SMC1B: variants seen among roughly 807,000 people sequenced by gnomAD.
SMC1B encodes the protein structural maintenance of chromosomes protein 1B.
SMC1B carries 60 observed loss-of-function variants against 157.9 expected under a neutral mutation model. The observed-to-expected ratio is 0.38, with a 90% confidence interval of 0.31 to 0.47. The LOEUF is 0.47. Ranked by LOEUF, SMC1B falls within the 20% of genes least tolerant of loss-of-function variation. The pLI is 0.99. For synonymous variants in SMC1B, 445 were observed against 483.0 expected, an observed-to-expected ratio of 0.92 and a Z score of 1.03; for missense variants, 1,165 against 1,426.2, an observed-to-expected ratio of 0.82 and a Z score of 2.95.
At chr22:45,381,585 C>T (rs184847760) in intron 12 of SMC1B, among the ~76,000 whole-genome samples, 9 of 152,286 alleles carry the variant, frequency 5.9e-5, no homozygotes, top group African/African-American at 1.4e-4. Context: ...TCAAAAGAGA[C>T]GAAGCCCTAT....
At position 45,344,324 on chromosome 22, in the gene SMC1B, G is replaced by GTT. The variant is rs2086528225; in HGVS notation, c.*230_*231dup. ...TAGTACAAAATTGTACCTTTTGTTTGTTTTTTAAAAACTCATTTGACACCA... is the reference window on the plus strand; with the variant it reads ...TAGTACAAAATTGTACCTTTTGTTTGTTTTTTTTAAAAACTCATTTGACACCA... On this transcript the variant is annotated 3_prime_UTR_variant, in exon 25 of 25. Coordinates refer to ENST00000357450, the MANE Select transcript of SMC1B (RefSeq NM_148674.5). 3.2e-6 allele frequency: 1 copy of GTT among 315,000 alleles called. No individual in the cohort carries two copies. The highest frequency in any genetic ancestry group is 2.1e-5 in the African/African-American group (1 of 46,618). The allele number at this position is 315,000 out of a possible 1,614,324, so 19.5% of individuals were successfully genotyped here. A position where few individuals can be genotyped will look rare whatever the true frequency, so the allele number is the denominator to read the frequency against.
intron 8 of SMC1B, 32 bp from the exon 9 acceptor site, chr22:45,393,873 T>C (rs2087091033): frequency 1.3e-6 from 2 of 1,521,116 alleles, no homozygotes; most frequent in Non-Finnish European, 9.0e-7. Flanking sequence ...TACAGCAAAA[T>C]GATAAACCAA....
intron 12 of SMC1B, among the ~76,000 whole-genome samples, chr22:45,373,165 T>TAA (rs2086851760): frequency 6.6e-6 from 1 of 152,228 alleles, no homozygotes; most frequent in Admixed American, 6.5e-5. Context: ...TATTGATTGA[T>TAA]GTCTTAAGTC....
intron 23 of SMC1B, among the ~76,000 whole-genome samples, chr22:45,348,611 A>T (rs992304240): frequency 6.6e-6 from 1 of 151,632 alleles, no homozygotes; most frequent in African/African-American, 2.4e-5. Context: ...TCCTCATTTG[A>T]CCCCCATGTT....
At position 45,369,546 on chromosome 22, in the gene SMC1B, T is replaced by G. The variant is rs957500870; in HGVS notation, c.2420+408A>C. Among the ~76,000 whole-genome samples the G allele has an allele frequency of 2.7e-5, 4 of 147,382 alleles. No homozygotes were observed. In the South Asian group the frequency reaches 8.8e-4, roughly 32 times the overall value. On this transcript the variant is annotated intron_variant, in intron 15 of 24. Coordinates refer to ENST00000357450, the MANE Select transcript of SMC1B (RefSeq NM_148674.5). ...ATAAATTTTTACTAGCTGTTTCTTT[T>G]TTTTTTTTTTTTTTGAGATGGAGTC...
chr22:45,410,532 G>A (rs1301717220), intron 1 of SMC1B, among the ~76,000 whole-genome samples: 2 of 151,860 alleles, frequency 1.3e-5, no homozygotes, highest in South Asian at 2.1e-4. Context: ...GTGAAACCCC[G>A]TCTCTACTAA....
At chr22:45,412,026 G>A (rs6007025) in intron 1 of SMC1B, among the ~76,000 whole-genome samples, 72,034 of 150,606 alleles carry the variant, frequency 0.48, 19,562 homozygotes, top group African/African-American at 0.75. Flanking sequence ...TTACAGGCAC[G>A]TGACACCACC....
At chr22:45,351,345 T>G (rs1194674561) in intron 22 of SMC1B, among the ~76,000 whole-genome samples, 1 of 152,254 alleles carries the variant, frequency 6.6e-6, no homozygotes, top group African/African-American at 2.4e-5. Flanking sequence ...GTTGACTAAA[T>G]GGATGTGGGT....
At chr22:45,398,925 A>G (rs1459272892) in intron 6 of SMC1B, among the ~76,000 whole-genome samples, 170 bp downstream of exon 6, 1 of 152,228 alleles carries the variant, frequency 6.6e-6, no homozygotes, top group Non-Finnish European at 1.5e-5. Context: ...ATTAAAATTA[A>G]AAATAAATAA....
At chr22:45,349,892 C>T (rs879089233) in intron 22 of SMC1B, 95 bp from the exon 23 acceptor site, 1 of 983,764 alleles carries the variant, frequency 1.0e-6, no homozygotes, top group South Asian at 1.6e-5. Flanking sequence ...ATAAATAAAA[C>T]ACATTCTTTT....
chr22:45,402,639 A>G (rs2087210506), intron 4 of SMC1B, 68 bp from the exon 5 acceptor site: 1 of 985,268 alleles, frequency 1.0e-6, no homozygotes, highest in African/African-American at 1.6e-5. Context: ...CATAAACTCA[A>G]CTACTATACC....
chr22:45,380,437 G>T (rs188364191), intron 12 of SMC1B, among the ~76,000 whole-genome samples: 11 of 152,118 alleles, frequency 7.2e-5, no homozygotes, highest in Non-Finnish European at 1.3e-4. Context: ...CTCCTTTCAA[G>T]AATTTATTAG....
At chr22:45,357,766 G>A (rs1408583835) in intron 19 of SMC1B, among the ~76,000 whole-genome samples, 5 of 152,138 alleles carry the variant, frequency 3.3e-5, no homozygotes, top group Non-Finnish European at 7.4e-5. Context: ...ATATATATTT[G>A]GTTTTCATCC....
At chr22:45,389,106 G>C (rs1410235386) in intron 10 of SMC1B, among the ~76,000 whole-genome samples, 4 of 152,022 alleles carry the variant, frequency 2.6e-5, no homozygotes, top group African/African-American at 9.7e-5. Flanking sequence ...CCAGCTCTAA[G>C]GCATGTGCTC....
chr22:45,384,922 T>C (rs1246123009), intron 11 of SMC1B, among the ~76,000 whole-genome samples: 1 of 152,194 alleles, frequency 6.6e-6, no homozygotes, highest in African/African-American at 2.4e-5. Flanking sequence ...ATGTGCAATT[T>C]TGGAAAAAAT....
chr22:45,363,940 CT>C (rs2086747459), intron 15 of SMC1B, among the ~76,000 whole-genome samples: 1 of 152,030 alleles, frequency 6.6e-6, no homozygotes, highest in African/African-American at 2.4e-5. Context: ...CCTCCGCCCC[CT>C]GGGTTCAAAC....
intron 17 of SMC1B, 36 bp from the exon 18 acceptor site, chr22:45,359,994 C>T (rs1409334664): frequency 1.3e-6 from 2 of 1,542,392 alleles, no homozygotes. Flanking sequence ...TAATTTTACT[C>T]ATTATGTAAC....
At chr22:45,378,582 TCA>T (rs1232323543) in intron 12 of SMC1B, among the ~76,000 whole-genome samples, 1 of 152,188 alleles carries the variant, frequency 6.6e-6, no homozygotes, top group Non-Finnish European at 1.5e-5. Flanking sequence ...AACTTAGAAG[TCA>T]CTCTGCTGAA....
At chr22:45,353,036 C>T (rs1007196657) in intron 21 of SMC1B, among the ~76,000 whole-genome samples, 3 of 151,942 alleles carry the variant, frequency 2.0e-5, no homozygotes, top group Admixed American at 6.6e-5. Context: ...GTTGGGAGGC[C>T]GAGGCAGGCA....
Sources: gnomAD v4.1 joint callset for allele counts (sites outside exome capture counted in the v4.1 genomes callset) on GRCh38, gnomAD v4.1.1 for gene constraint, MANE v1.5 for transcripts, NCBI Gene and HGNC (gene_info 2026-07-23, HGNC 2026-07-21) for gene names.